DIP2C: variants seen among roughly 807,000 people sequenced by gnomAD.
DIP2C encodes disco-interacting protein 2 homolog C.
DIP2C carries 33 observed loss-of-function variants against 192.4 expected under a neutral mutation model. That is an observed-to-expected ratio of 0.17 (90% CI 0.13 to 0.23). The LOEUF is 0.23. Among genes scored for constraint, DIP2C ranks in the 10% least tolerant of loss-of-function variants. DIP2C has a pLI of 1.00. For missense variants in DIP2C, 1,537 were observed against 2,110.1 expected, an observed-to-expected ratio of 0.73 and a Z score of 5.32; for synonymous variants, 979 against 864.1, an observed-to-expected ratio of 1.13 and a Z score of -2.33.
chr10:498,214 G>C (rs1482253977), intron 1 of DIP2C, among the ~76,000 whole-genome samples: 1 of 152,124 alleles, frequency 6.6e-6, no homozygotes, highest in Non-Finnish European at 1.5e-5. Flanking sequence ...CCAACCTCTT[G>C]CTATCCAGCT....
chr10:454,013 A>C (rs1234633739), intron 3 of DIP2C, among the ~76,000 whole-genome samples: 1 of 152,242 alleles, frequency 6.6e-6, no homozygotes, highest in Non-Finnish European at 1.5e-5. Context: ...AACTCAACAG[A>C]ATTTGCAGGA....
chr10:364,590 A>C lies in DIP2C; in HGVS notation c.2269-8T>G. The C allele has an allele frequency of 6.2e-7, 1 of 1,612,520 alleles. No homozygotes were observed. Among genetic ancestry groups the C allele is most frequent in the Non-Finnish European group, 8.5e-7 (1 of 1,178,750 alleles). ...GCTTGTCATGGGAAACACCTGGGGGAAACAGCATCCATCAGGCCACTGTTC... is the reference window on the plus strand; with the variant it reads ...GCTTGTCATGGGAAACACCTGGGGGCAACAGCATCCATCAGGCCACTGTTC... On this transcript the variant is annotated splice_polypyrimidine_tract_variant and splice_region_variant and intron_variant, in intron 19 of 36. Transcript: ENST00000280886.
At chr10:499,383 C>A (rs1845072294) in intron 1 of DIP2C, among the ~76,000 whole-genome samples, 1 of 152,214 alleles carries the variant, frequency 6.6e-6, no homozygotes, top group South Asian at 2.1e-4. Context: ...TAAAGAACTG[C>A]CCAAGACTCT....
At chr10:578,310 A>G (rs1223422439) in intron 1 of DIP2C, among the ~76,000 whole-genome samples, 1 of 152,192 alleles carries the variant, frequency 6.6e-6, no homozygotes, top group Non-Finnish European at 1.5e-5. Context: ...TAAATACTCC[A>G]CGAATAAAGA....
At chr10:599,441 C>T (rs1468306186) in intron 1 of DIP2C, among the ~76,000 whole-genome samples, 1 of 152,196 alleles carries the variant, frequency 6.6e-6, no homozygotes, top group Non-Finnish European at 1.5e-5. Flanking sequence ...ACAACTGAAC[C>T]CTTACTAGAC....
At chr10:348,589 T>C (rs910688915) in intron 26 of DIP2C, 52 bp downstream of exon 26, 86 of 1,592,662 alleles carry the variant, frequency 5.4e-5, no homozygotes, top group Non-Finnish European at 7.1e-5. Flanking sequence ...CGTTGCAAGC[T>C]CCACACTCAG....
At position 476,235 on chromosome 10, in the gene DIP2C, G is replaced by A. The variant is rs112240992; in HGVS notation, c.158-3686C>T. 7.9e-3 allele frequency among the ~76,000 whole-genome samples: 1,199 copies of A among 152,248 alleles called. 14 individuals are homozygous for A. The highest frequency in any genetic ancestry group is 0.027 in the African/African-American group (1,138 of 41,564). ...GCAAGAAAACGGCCGAGATGGAGAT[G>A]AGGTTCTCCTCCCAGGAGCACCTGC... is the stretch of plus-strand genomic sequence containing the variant. On this transcript the variant is annotated intron_variant, in intron 2 of 36. Coordinates refer to ENST00000280886, the MANE Select transcript of DIP2C (RefSeq NM_014974.3).
chr10:533,427 A>C (rs1847526927), intron 1 of DIP2C, among the ~76,000 whole-genome samples: 1 of 152,120 alleles, frequency 6.6e-6, no homozygotes, highest in Non-Finnish European at 1.5e-5. Context: ...CAAACTAAAC[A>C]AAGGCTTGTT....
At chr10:442,120 A>C (rs988489419) in intron 3 of DIP2C, among the ~76,000 whole-genome samples, 2 of 152,218 alleles carry the variant, frequency 1.3e-5, no homozygotes, top group South Asian at 4.1e-4. Context: ...TGTTAGCAGA[A>C]TAAAATCACC....
chr10:378,658 C>T (rs1961955677), intron 17 of DIP2C, among the ~76,000 whole-genome samples: 1 of 151,302 alleles, frequency 6.6e-6, no homozygotes, highest in South Asian at 2.1e-4. Context: ...CACACATGAA[C>T]AGATATGCCT....
At chr10:381,607 C>A (rs531162083) in intron 17 of DIP2C, among the ~76,000 whole-genome samples, 1 of 152,204 alleles carries the variant, frequency 6.6e-6, no homozygotes, top group African/African-American at 2.4e-5. Flanking sequence ...TGCGTGCCCA[C>A]GTGCAACACC....
rs554689566 is a variant in DIP2C, at chr10:326,113, G to A, written c.3924+893C>T. ...GGAGGGTTGCTTGAGCCTGGGAGCG[G>A]GGGGCAGGGGGTTGAGGCTGCAGTG... On this transcript the variant is annotated intron_variant, in intron 31 of 36. Transcript: ENST00000280886. 2.5e-3 allele frequency among the ~76,000 whole-genome samples: 382 copies of A among 152,196 alleles called. 1 individual carries two copies. Among genetic ancestry groups the A allele is most frequent in the Middle Eastern group, 0.024 (7 of 294 alleles).
At chr10:660,608 A>T (rs1310295270) in intron 1 of DIP2C, among the ~76,000 whole-genome samples, 1 of 152,248 alleles carries the variant, frequency 6.6e-6, no homozygotes, top group Non-Finnish European at 1.5e-5. Flanking sequence ...TTTTAAAAGG[A>T]TGACTTTTAA....
At chr10:633,112 C>T (rs886611924) in intron 1 of DIP2C, among the ~76,000 whole-genome samples, 14 of 152,330 alleles carry the variant, frequency 9.2e-5, no homozygotes, top group Non-Finnish European at 1.3e-4. Context: ...CTACCTCAAC[C>T]GGGATCAATT....
intron 1 of DIP2C, among the ~76,000 whole-genome samples, chr10:644,411 T>C (rs957771294): frequency 6.6e-6 from 1 of 152,260 alleles, no homozygotes; most frequent in African/African-American, 2.4e-5. Context: ...TGGATAATAG[T>C]TGAGACGTAT....
Position 453,088 on chromosome 10 carries a change from G to C in DIP2C, c.269-12092C>G, listed in dbSNP as rs1323649820. Among the ~76,000 whole-genome samples, 10 of 152,306 alleles carry C rather than the reference G, an allele frequency of 6.6e-5. No individual in the cohort carries two copies. In the East Asian group the frequency reaches 1.9e-3, roughly 29 times the overall value. The stretch of plus-strand genomic sequence containing the variant: ...AAGAACTTTTAGGAAAATATAACAT[G>C]GGTAAACAGGTTGCTACAAAACAAA... On this transcript the variant is annotated intron_variant, in intron 3 of 36. Transcript: ENST00000280886.
At chr10:345,564 C>T (rs1224514855) in intron 26 of DIP2C, among the ~76,000 whole-genome samples, 2 of 141,558 alleles carry the variant, frequency 1.4e-5, no homozygotes, top group African/African-American at 2.8e-5. Flanking sequence ...ACCCCCCACA[C>T]CCCCAACCCA....
intron 31 of DIP2C, among the ~76,000 whole-genome samples, chr10:321,253 C>T (rs1167978455): frequency 6.6e-6 from 1 of 152,236 alleles, no homozygotes; most frequent in Non-Finnish European, 1.5e-5. Context: ...CGGCTTCGCC[C>T]TTGAGGATGC....
At chr10:453,224 G>C (rs143545010) in intron 3 of DIP2C, among the ~76,000 whole-genome samples, 2 of 152,290 alleles carry the variant, frequency 1.3e-5, no homozygotes, top group Non-Finnish European at 2.9e-5. Flanking sequence ...GTCCTCCAAA[G>C]CCTTAATTAC....
Sources: allele counts gnomAD v4.1 joint callset (sites outside exome capture counted in the v4.1 genomes callset), GRCh38; gene constraint gnomAD v4.1.1; transcripts MANE v1.5; gene names NCBI Gene and HGNC (gene_info 2026-07-23, HGNC 2026-07-21).